RPS6KA2: variants seen among roughly 807,000 people sequenced by gnomAD.
The protein encoded by RPS6KA2 is ribosomal protein S6 kinase A2.
In RPS6KA2, 42 loss-of-function variants were observed where a neutral mutation model predicts 91.8. That is an observed-to-expected ratio of 0.46 (90% CI 0.36 to 0.59). The LOEUF is 0.59. RPS6KA2 is among the 20% of genes least tolerant of loss of function. RPS6KA2 has a pLI of 0.00. For synonymous variants in RPS6KA2, 414 were observed against 393.6 expected, an observed-to-expected ratio of 1.05 and a Z score of -0.61; for missense variants, 798 against 978.5, an observed-to-expected ratio of 0.82 and a Z score of 2.46.
At chr6:166,460,174 C>A (rs1412029725) in intron 11 of RPS6KA2, among the ~76,000 whole-genome samples, 2 of 152,244 alleles carry the variant, frequency 1.3e-5, no homozygotes, top group Non-Finnish European at 2.9e-5. Context: ...ACGCCTGCAT[C>A]TGCAGAGAAC....
intron 11 of RPS6KA2, 77 bp downstream of exon 11, chr6:166,469,764 C>G: frequency 7.6e-7 from 1 of 1,315,360 alleles, no homozygotes; most frequent in Non-Finnish European, 1.1e-6. Context: ...TGAGGACCCT[C>G]TGCACCAAGC....
At chr6:166,716,314 A>G (rs554667407) in intron 2 of RPS6KA2, among the ~76,000 whole-genome samples, 55 of 152,316 alleles carry the variant, frequency 3.6e-4, no homozygotes, top group African/African-American at 1.3e-3. Context: ...AGAAAAACAG[A>G]AAAACAAATA....
At chr6:166,542,126 C>T (rs190680073) in intron 1 of RPS6KA2, among the ~76,000 whole-genome samples, 5 of 152,276 alleles carry the variant, frequency 3.3e-5, no homozygotes, top group East Asian at 3.9e-4. Context: ...ATGGACTCGG[C>T]GCGCACTCTG....
exon 1 of RPS6KA2, chr6:166,862,534 C>A: frequency 6.1e-6 from 2 of 328,094 alleles, no homozygotes; most frequent in Non-Finnish European, 1.1e-5. Flanking sequence ...GTAAACGCTG[C>A]ACTTGCAGCT....
Position 166,644,365 on chromosome 6 carries a change from G to A in RPS6KA2, c.124-105581C>T, listed in dbSNP as rs186552238. On this transcript the variant is annotated intron_variant, in intron 2 of 21. Coordinates refer to the RPS6KA2 transcript ENST00000503859. Reference sequence around the variant, plus strand: ...CCCACATTTCTTCAAATCAATGTGCGTCCCATTTACTGTGCCTGCTCCCCC... The same window carrying A: ...CCCACATTTCTTCAAATCAATGTGCATCCCATTTACTGTGCCTGCTCCCCC... Among the ~76,000 whole-genome samples the A allele has an allele frequency of 1.6e-4, 25 of 152,178 alleles. No homozygotes were observed. The East Asian group carries it at 4.0e-3, about 25-fold the overall frequency.
chr6:166,439,321 T>C (rs924239445), intron 14 of RPS6KA2, among the ~76,000 whole-genome samples: 1 of 152,246 alleles, frequency 6.6e-6, no homozygotes. Flanking sequence ...TTGGCCAGGC[T>C]GGTCTCGAAC....
chr6:166,736,429 G>A (rs576124476), intron 2 of RPS6KA2, among the ~76,000 whole-genome samples: 48 of 152,264 alleles, frequency 3.2e-4, no homozygotes, highest in Non-Finnish European at 6.3e-4. Context: ...CTGCCACCTT[G>A]CTATTTGCCA....
chr6:166,559,535 T>C (rs1403388158), intron 1 of RPS6KA2, among the ~76,000 whole-genome samples: 1 of 152,230 alleles, frequency 6.6e-6, no homozygotes, highest in Non-Finnish European at 1.5e-5. Flanking sequence ...TGCTGTAAAT[T>C]ACTGTATCAT....
At chr6:166,470,035 A>C in intron 10 of RPS6KA2, 130 bp from the exon 11 acceptor site, 2 of 790,072 alleles carry the variant, frequency 2.5e-6, no homozygotes, top group Non-Finnish European at 4.2e-6. Flanking sequence ...GAGGCTGCTC[A>C]CTCCTGCCCA....
At chr6:166,491,719 T>C (rs978393587) in intron 8 of RPS6KA2, among the ~76,000 whole-genome samples, 1 of 152,142 alleles carries the variant, frequency 6.6e-6, no homozygotes, top group African/African-American at 2.4e-5. Context: ...AGTTCGAAAA[T>C]CTCAGGAGAT....
rs1470328931 is a variant in RPS6KA2 at position 166,418,256 on chromosome 6, C to T, written c.1907G>A (p.Gly636Glu). The T allele has an allele frequency of 6.2e-7, 1 of 1,613,274 alleles. No individual in the cohort carries two copies. Among genetic ancestry groups the T allele is most frequent in the East Asian group, 2.2e-5 (1 of 44,868 alleles). ...TGCGTCAGATATCGAGTCCCAGTTT[C>T]CCCCAGAAAGGGCATACTTCCCACT... ...IGSGKYALSG[G>E]NWDSISDAAK... The change falls in exon 19 of 21, where the codon GGA becomes GAA. Residue 636 changes from glycine (G) to glutamate (E), a missense_variant. Transcript: ENST00000265678. The surrounding 1 kb of genome is among the most constrained non-coding windows in gnomAD (Gnocchi z 4.9).
chr6:166,690,032 C>G (rs1789156144), intron 2 of RPS6KA2, among the ~76,000 whole-genome samples: 1 of 152,228 alleles, frequency 6.6e-6, no homozygotes, highest in South Asian at 2.1e-4. Flanking sequence ...CGCAATCCCA[C>G]CGCATGGCTC....
intron 2 of RPS6KA2, among the ~76,000 whole-genome samples, chr6:166,845,964 G>C (rs181909831): frequency 6.6e-6 from 1 of 151,842 alleles, no homozygotes; most frequent in Non-Finnish European, 1.5e-5. Context: ...GATCATTAGC[G>C]AGATTAACCA....
intron 2 of RPS6KA2, among the ~76,000 whole-genome samples, chr6:166,847,557 T>C (rs1041768345): frequency 5.9e-5 from 9 of 152,044 alleles, no homozygotes; most frequent in African/African-American, 2.2e-4. Context: ...TGAATAAAAA[T>C]AGGCACATAG....
intron 3 of RPS6KA2, among the ~76,000 whole-genome samples, chr6:166,527,425 C>T (rs1783096353): frequency 6.6e-6 from 1 of 152,178 alleles, no homozygotes; most frequent in South Asian, 2.1e-4. Flanking sequence ...CATCCACTTG[C>T]CTTTGTCTTA....
At chr6:166,628,190 C>T (rs1299930451), upstream of RPS6KA2, among the ~76,000 whole-genome samples, 1 of 152,246 alleles carries the variant, frequency 6.6e-6, no homozygotes, top group Admixed American at 6.5e-5. Context: ...GCTCGGGATC[C>T]GCCTTAAAGG....
At chr6:166,690,735 A>G (rs1386984740) in intron 2 of RPS6KA2, among the ~76,000 whole-genome samples, 3 of 152,274 alleles carry the variant, frequency 2.0e-5, no homozygotes, top group East Asian at 3.9e-4. Flanking sequence ...TCCGCTAGAT[A>G]AGCCTCAGTT....
chr6:166,615,620 C>A (rs1017837635), intron 1 of RPS6KA2, among the ~76,000 whole-genome samples: 1 of 152,196 alleles, frequency 6.6e-6, no homozygotes, highest in Non-Finnish European at 1.5e-5. Flanking sequence ...TGCCCACACA[C>A]CGTGTGCTCG....
intron 12 of RPS6KA2, 98 bp from the exon 13 acceptor site, chr6:166,451,331 C>CTGTG (rs1562502725): frequency 1.1e-5 from 13 of 1,153,374 alleles, no homozygotes; most frequent in East Asian, 1.1e-4. Flanking sequence ...GTGTGCAAGT[C>CTGTG]CGTGTGTGTG....
Sources: gnomAD v4.1 joint callset for allele counts (sites outside exome capture counted in the v4.1 genomes callset) on GRCh38, gnomAD v4.1.1 for gene constraint, Gnocchi (gnomAD v3.1) non-coding constraint, MANE v1.5 for transcripts, NCBI Gene and HGNC (gene_info 2026-07-23, HGNC 2026-07-21) for gene names.